The following PSME3 variants were observed in gnomAD, a reference collection of about 807,000 sequenced individuals.
PSME3 encodes the protein proteasome activator complex subunit 3.
Under a neutral mutation model 38.3 loss-of-function variants are expected in PSME3, and 7 were observed. That is an observed-to-expected ratio of 0.18 (90% CI 0.10 to 0.34). PSME3 has a LOEUF of 0.34. Ranked by LOEUF, PSME3 falls within the 10% of genes least tolerant of loss-of-function variation. The probability of loss-of-function intolerance (pLI) is 1.00; values close to 1 mark genes in which losing one functional copy is unlikely to be tolerated. For missense variants in PSME3, 192 were observed against 307.6 expected, an observed-to-expected ratio of 0.62 and a Z score of 2.81; for synonymous variants, 108 against 105.7, an observed-to-expected ratio of 1.02 and a Z score of -0.13.
rs1031746915 is a variant in PSME3, at chr17:42,838,992, T to A, written c.522T>A (p.Ser174=). 3.7e-6 allele frequency: 6 copies of A among 1,614,104 alleles called. No individual in the cohort carries two copies. ...GAACTGTTGAGAGTGAAGCTGCATCTTATCTGGACCAGATTTCTAGGTAGG... is the reference window on the plus strand; with the variant it reads ...GAACTGTTGAGAGTGAAGCTGCATCATATCTGGACCAGATTTCTAGGTAGG... The part of the protein sequence containing the change: ...ELRTVESEAA[S]YLDQISRYYI... The change falls in exon 8 of 11, where the codon TCT becomes TCA. Residue 174 remains serine (S), a synonymous_variant. Transcript: ENST00000590720.
intron 1 of PSME3, chr17:42,833,972 C>T: frequency 7.0e-7 from 1 of 1,437,730 alleles, no homozygotes; most frequent in Non-Finnish European, 9.1e-7. Context: ...TCCCTGGACA[C>T]TGCCCCTGCC....
rs753643156 is a variant in PSME3, at chr17:42,833,797, A to G, written c.42+124A>G. On this transcript the variant is annotated intron_variant, in intron 1 of 10. Coordinates refer to ENST00000590720, the MANE Select transcript of PSME3 (RefSeq NM_005789.4). ...CCAGCTCTGAGCTTCCGCTCGGCTC[A>G]GCCCAGCCCCCAACTCCCGGGGTCG... 4.4e-6 allele frequency: 7 copies of G among 1,591,632 alleles called. No homozygotes were observed. The East Asian group carries it at 1.4e-4, about 31-fold the overall frequency.
intron 4 of PSME3, among the ~76,000 whole-genome samples, chr17:42,835,358 C>T (rs1266199490): frequency 6.6e-6 from 1 of 152,026 alleles, no homozygotes; most frequent in African/African-American, 2.4e-5. Context: ...CCTTTTAGAC[C>T]CTCAGTTTCA....
Position 42,834,597 on chromosome 17 carries a change from C to A in PSME3, c.138+20C>A. 1 of 1,612,112 alleles carries A rather than the reference C, an allele frequency of 6.2e-7. No homozygotes were observed. Among genetic ancestry groups the A allele is most frequent in the Non-Finnish European group, 8.5e-7 (1 of 1,178,482 alleles). On this transcript the variant is annotated intron_variant, in intron 3 of 10. Coordinates refer to ENST00000590720, the MANE Select transcript of PSME3 (RefSeq NM_005789.4). ...CTGAAGGTGAGAGACCCTATTCTTT[C>A]CTCAAATTCCCCAATTTTTTTGGCC...
At chr17:42,838,257 G>A (rs777669077) in intron 6 of PSME3, 52 bp downstream of exon 6, 7 of 1,607,870 alleles carry the variant, frequency 4.4e-6, no homozygotes, top group Non-Finnish European at 5.1e-6. Flanking sequence ...CCCACCTGAA[G>A]TGCAAAAAAC....
At chr17:42,838,886 G>C (rs1484355355) in intron 7 of PSME3, 59 bp from the exon 8 acceptor site, 3 of 1,602,550 alleles carry the variant, frequency 1.9e-6, no homozygotes, top group Non-Finnish European at 2.6e-6. Context: ...TTTTTCTTTG[G>C]GGCTGCTGTG....
At position 42,833,409 on chromosome 17, in the gene PSME3, G is replaced by A. The variant is rs2055420560; in HGVS notation, c.-223G>A. 1 of 602,672 alleles carries A rather than the reference G, an allele frequency of 1.7e-6. No homozygotes were observed. The highest frequency in any genetic ancestry group is 2.9e-6 in the Non-Finnish European group (1 of 339,526). The allele number at this position is 602,672 out of a possible 1,614,324, so 37.3% of individuals were successfully genotyped here. ...GATTGGCTGTGACGCAGTTTCCGGC[G>A]TGAGCGGCGAAAGCCGGGAGGGCGA... On this transcript the variant is annotated 5_prime_UTR_variant, in exon 1 of 11. It adds an upstream start codon to the 5' untranslated region. Coordinates refer to ENST00000590720, the MANE Select transcript of PSME3 (RefSeq NM_005789.4).
In PSME3 at chr17:42,834,332, T is replaced by C. The variant is rs779363759; in HGVS notation, c.43-12T>C. On this transcript the variant is annotated splice_polypyrimidine_tract_variant and intron_variant, in intron 1 of 10. Transcript: ENST00000590720. Reference sequence around the variant, plus strand: ...TCCCCAGGTACTGAATTGCTCTCTTTGTTAATTTTAGGTTGATTCTTTCAG... The same window carrying C: ...TCCCCAGGTACTGAATTGCTCTCTTCGTTAATTTTAGGTTGATTCTTTCAG... 2 of 1,614,006 alleles carry C rather than the reference T, an allele frequency of 1.2e-6. No homozygotes were observed. The highest frequency in any genetic ancestry group is 2.2e-5 in the East Asian group (1 of 44,900).
At chr17:42,838,065 G>C (rs1567680864) in intron 5 of PSME3, 28 bp from the exon 6 acceptor site, 1 of 1,612,120 alleles carries the variant, frequency 6.2e-7, no homozygotes. Context: ...CCTCTTCCCT[G>C]ATCATTTGAC....
rs1488951763 is a variant in PSME3 at position 42,842,625 on chromosome 17, G to A, written c.*1047G>A. ...ACTATTTCTCTTTATTTATAGTGTC[G>A]GGCTTCCGGGGAAAGCAATCATTGG... is the stretch of plus-strand genomic sequence containing the variant. On this transcript the variant is annotated 3_prime_UTR_variant, in exon 11 of 11. Coordinates refer to ENST00000590720, the MANE Select transcript of PSME3 (RefSeq NM_005789.4). 1 of 152,728 alleles carries A rather than the reference G, an allele frequency of 6.5e-6. No homozygotes were observed. The highest frequency in any genetic ancestry group is 1.5e-5 in the Non-Finnish European group (1 of 68,048). The allele number at this position is 152,728 out of a possible 1,614,324, so 9.5% of individuals were successfully genotyped here.
intron 10 of PSME3, 68 bp from the exon 11 acceptor site, chr17:42,841,430 G>A: frequency 2.1e-6 from 2 of 931,260 alleles, no homozygotes; most frequent in Admixed American, 2.7e-5. Context: ...TTGTGAAGGG[G>A]TCTCTCATTT....
At position 42,841,518 on chromosome 17, in the gene PSME3, C is replaced by A. The variant is rs368470629; in HGVS notation, c.705C>A (p.Ile235=). Residue 235 remains isoleucine (I), a synonymous_variant, in exon 11 of 11, where the codon ATC becomes ATA. Transcript: ENST00000590720. ...RNQYVTLHDM[I]LKNIEKIKRP... Reference sequence around the variant, plus strand: ...CTCAGGTCACTCTACATGACATGATCCTGAAAAATATCGAGAAGATCAAAC... The same window carrying A: ...CTCAGGTCACTCTACATGACATGATACTGAAAAATATCGAGAAGATCAAAC... 2 of 1,608,652 alleles carry A rather than the reference C, an allele frequency of 1.2e-6. No individual in the cohort carries two copies. Among genetic ancestry groups the A allele is most frequent in the African/African-American group, 2.7e-5 (2 of 74,738 alleles).
intron 1 of PSME3, 184 bp downstream of exon 1, chr17:42,833,857 T>G: frequency 6.7e-7 from 1 of 1,501,290 alleles, no homozygotes; most frequent in Non-Finnish European, 8.9e-7. Context: ...GATGGCTTTC[T>G]GTACCGCGTC....
intron 1 of PSME3, chr17:42,834,065 C>T (rs1394268080): frequency 1.4e-5 from 20 of 1,442,722 alleles, no homozygotes; most frequent in Non-Finnish European, 1.6e-5. Flanking sequence ...TCCCTAACTA[C>T]CTGTCTTTTG....
intron 1 of PSME3, 151 bp from the exon 2 acceptor site, chr17:42,834,193 G>T: frequency 6.5e-7 from 1 of 1,538,270 alleles, no homozygotes. Flanking sequence ...TGGAAAAATG[G>T]ATCCTCAAAA....
rs774081518 is a variant in PSME3, at chr17:42,834,536, T to G, written c.97T>G (p.Phe33Val). 1.9e-6 allele frequency: 3 copies of G among 1,613,874 alleles called. No homozygotes were observed. Among genetic ancestry groups the G allele is most frequent in the Non-Finnish European group, 2.5e-6 (3 of 1,179,898 alleles). Residue 33 changes from phenylalanine to valine, a missense_variant, in exon 3 of 11, where the codon TTT (phenylalanine) becomes GTT (valine). Phe to Val is a conservative substitution (Grantham distance 50, BLOSUM62 -1). Coordinates refer to ENST00000590720, the MANE Select transcript of PSME3 (RefSeq NM_005789.4). ...TSEAEDLVANFFPKKLLELDS... is the reference protein window; with the variant it reads ...TSEAEDLVANVFPKKLLELDS... The stretch of plus-strand genomic sequence containing the variant: ...TTAGGCAGAAGACTTGGTGGCAAAT[T>G]TTTTCCCAAAGAAGTTATTAGAACT...
rs762048193 is a variant in PSME3, at chr17:42,839,134, T to A, written c.565T>A (p.Leu189Met). 1 of 1,591,456 alleles carries A rather than the reference T, an allele frequency of 6.3e-7. No homozygotes were observed. Among genetic ancestry groups the A allele is most frequent in the Non-Finnish European group, 8.6e-7 (1 of 1,159,414 alleles). The change falls in exon 9 of 11, where the codon TTG (leucine) becomes ATG (methionine). Residue 189 changes from leucine to methionine, a missense_variant. Around this residue, in one of 2 missense-constraint regions of PSME3, gnomAD observed 82 missense variants for 168.2 expected, o/e 0.49. Transcript: ENST00000590720. ...ISRYYITRAK[L>M]VSKIAKYPHV... is the part of the protein sequence containing the mutation. ...CAGATATTATATTACAAGAGCCAAA[T>A]TGGTTTCTAAAATAGCTAAATATCC...
intron 10 of PSME3, among the ~76,000 whole-genome samples, chr17:42,840,604 G>A (rs545397577): frequency 2.8e-4 from 42 of 151,976 alleles, no homozygotes; most frequent in African/African-American, 9.7e-4. Context: ...GCAAAACTCC[G>A]TCTCAAAAAA....
intron 10 of PSME3, among the ~76,000 whole-genome samples, chr17:42,841,058 G>GGC (rs1456484320): frequency 8.6e-5 from 13 of 151,148 alleles, no homozygotes; most frequent in Non-Finnish European, 1.9e-4. Flanking sequence ...GCATGAACCT[G>GGC]GGAGGCGGAG....
Sources: allele counts gnomAD v4.1 joint callset (sites outside exome capture counted in the v4.1 genomes callset), GRCh38; gene constraint gnomAD v4.1.1; regional missense constraint gnomAD v4.1.1; transcripts MANE v1.5; gene names NCBI Gene and HGNC (gene_info 2026-07-23, HGNC 2026-07-21).